Variants in IGF2R observed in about 807,000 individuals in gnomAD.
The protein encoded by IGF2R is cation-independent mannose-6-phosphate receptor.
IGF2R carries 91 observed loss-of-function variants against 270.6 expected under a neutral mutation model. The ratio of observed to expected loss-of-function variants is 0.34; its 90% CI spans 0.28 to 0.40. The LOEUF (loss-of-function observed/expected upper bound fraction) is 0.40, where lower values mean the gene tolerates loss of function less well. Ranked by LOEUF, IGF2R falls within the 10% of genes least tolerant of loss-of-function variation. IGF2R has a pLI of 1.00. For synonymous variants in IGF2R, 1,316 were observed against 1,258.9 expected, an observed-to-expected ratio of 1.05 and a Z score of -0.96; for missense variants, 2,805 against 3,188.3, an observed-to-expected ratio of 0.88 and a Z score of 2.90.
chr6:159,991,033 A>T, intron 1 of IGF2R, 151 bp from the exon 2 acceptor site: 1 of 672,176 alleles, frequency 1.5e-6, no homozygotes, highest in Non-Finnish European at 2.5e-6. Flanking sequence ...TTTGCAACTT[A>T]ACATACTTGA....
intron 2 of IGF2R, among the ~76,000 whole-genome samples, chr6:159,997,029 A>C (rs1784063691): frequency 6.6e-6 from 1 of 152,124 alleles, no homozygotes; most frequent in African/African-American, 2.4e-5. Context: ...GAGAAGTCCT[A>C]CTACCCACAT....
At chr6:160,025,352 C>G (rs1937502022) in intron 5 of IGF2R, among the ~76,000 whole-genome samples, 2 of 152,204 alleles carry the variant, frequency 1.3e-5, no homozygotes, top group Admixed American at 1.3e-4. Flanking sequence ...TAGGCCAGGA[C>G]TGTCTTTCTG....
At chr6:160,029,370 T>C (rs9365125) in intron 6 of IGF2R, among the ~76,000 whole-genome samples, 180 bp from the exon 7 acceptor site, 19,680 of 107,056 alleles carry the variant, frequency 0.18, 1,282 homozygotes, top group East Asian at 0.49. Context: ...TACTTAAAAC[T>C]TTTTTTTTTT....
chr6:160,046,709 G>A (rs1248168975), intron 15 of IGF2R, 64 bp downstream of exon 15: 2 of 1,519,950 alleles, frequency 1.3e-6, no homozygotes, highest in Non-Finnish European at 1.8e-6. Flanking sequence ...TTATTTTCAG[G>A]AATAGGTGTG....
Position 160,079,687 on chromosome 6 carries a change from G to A in IGF2R, c.5586G>A (p.Lys1862=), listed in dbSNP as rs531909784. ...GAGTCTGTCTGCTCTCAGGCACCAA[G>A]GGGGCATCCTTTGGACGGCTGCAAT... is the stretch of plus-strand genomic sequence containing the variant. The part of the protein sequence containing the change: ...DGGVCLLSGT[K]GASFGRLQSM... Residue 1862 remains lysine, a synonymous_variant, in exon 38 of 48, where the codon AAG becomes AAA. Coordinates refer to ENST00000356956, the MANE Select transcript of IGF2R (RefSeq NM_000876.4). The A allele has an allele frequency of 6.5e-7, 1 of 1,547,284 alleles. No individual in the cohort carries two copies. The highest frequency in any genetic ancestry group is 2.3e-5 in the East Asian group (1 of 42,658).
intron 44 of IGF2R, chr6:160,094,387 T>C (rs1779300154): frequency 4.6e-6 from 1 of 215,650 alleles, no homozygotes; most frequent in Non-Finnish European, 9.4e-6. Context: ...CTGGCGAGTC[T>C]GCCAGCATGC....
chr6:160,040,542 T>G lies in IGF2R; in HGVS notation c.1316-18T>G. ...TGGTCACGTATGGAGTTTAAATTTC[T>G]CCTCTTGAATTGTGCAGGTAACGAT... is the stretch of plus-strand genomic sequence containing the variant. On this transcript the variant is annotated intron_variant, in intron 10 of 47. Coordinates refer to ENST00000356956, the MANE Select transcript of IGF2R (RefSeq NM_000876.4). 1.2e-6 allele frequency: 2 copies of G among 1,612,866 alleles called. No individual in the cohort carries two copies. Among genetic ancestry groups the G allele is most frequent in the Non-Finnish European group, 1.7e-6 (2 of 1,178,980 alleles).
At chr6:160,097,222 C>A (rs1779382171) in intron 45 of IGF2R, among the ~76,000 whole-genome samples, 2 of 152,236 alleles carry the variant, frequency 1.3e-5, no homozygotes, top group Admixed American at 1.3e-4. Context: ...TGTCTTGTGT[C>A]CCACAGCCGT....
chr6:160,038,365 C>T (rs1777870794), intron 10 of IGF2R, among the ~76,000 whole-genome samples: 1 of 152,142 alleles, frequency 6.6e-6, no homozygotes, highest in Non-Finnish European at 1.5e-5. Flanking sequence ...GGGAGCACAG[C>T]TTACTGTTCT....
At chr6:160,100,555 T>G (rs1482192296) in intron 45 of IGF2R, among the ~76,000 whole-genome samples, 1 of 150,758 alleles carries the variant, frequency 6.6e-6, no homozygotes, top group Non-Finnish European at 1.5e-5. Flanking sequence ...AGACAAAGAG[T>G]AAAGCTTTTT....
intron 13 of IGF2R, among the ~76,000 whole-genome samples, chr6:160,045,283 C>T (rs989393275): frequency 6.6e-6 from 1 of 152,192 alleles, no homozygotes; most frequent in Non-Finnish European, 1.5e-5. Context: ...CCTCTCTCTA[C>T]CTCCCATTGA....
chr6:160,060,532 C>T lies in IGF2R; in HGVS notation c.3092-15C>T. On this transcript the variant is annotated splice_polypyrimidine_tract_variant and intron_variant, in intron 22 of 47. Coordinates refer to ENST00000356956, the MANE Select transcript of IGF2R (RefSeq NM_000876.4). ...CTGTTCTGTCTCTTAAAATCTGGGC[C>T]TTCTTGCTTTACAGGTACCGCTGAT... 6.2e-7 allele frequency: 1 copy of T among 1,613,842 alleles called. No homozygotes were observed. The highest frequency in any genetic ancestry group is 8.5e-7 in the Non-Finnish European group (1 of 1,179,746).
At chr6:160,030,230 A>G (rs887610954) in intron 7 of IGF2R, among the ~76,000 whole-genome samples, 4 of 152,186 alleles carry the variant, frequency 2.6e-5, no homozygotes, top group Non-Finnish European at 5.9e-5. Context: ...AGCGCCTGCA[A>G]GTGTTTTAAC....
chr6:159,988,865 G>A (rs1783932673), intron 1 of IGF2R, among the ~76,000 whole-genome samples: 1 of 152,112 alleles, frequency 6.6e-6, no homozygotes, highest in Admixed American at 6.5e-5. Flanking sequence ...GCCTCCCGCA[G>A]TAAGTACTTA....
chr6:159,976,648 T>G (rs554657776), intron 1 of IGF2R, among the ~76,000 whole-genome samples: 16 of 151,706 alleles, frequency 1.1e-4, no homozygotes, highest in African/African-American at 3.6e-4. Flanking sequence ...TTCTGATACT[T>G]TTTTTTTTCT....
chr6:159,969,952 A>AT (rs1297280326), intron 1 of IGF2R, among the ~76,000 whole-genome samples: 1 of 150,660 alleles, frequency 6.6e-6, no homozygotes, highest in African/African-American at 2.4e-5. Flanking sequence ...ATATATATAT[A>AT]TATATTTTTA....
chr6:160,078,432 G>C, intron 37 of IGF2R, 70 bp downstream of exon 37: 1 of 1,468,968 alleles, frequency 6.8e-7, no homozygotes, highest in Admixed American at 1.7e-5. Context: ...GCTGCTGGGA[G>C]TGTTTTGGAT....
chr6:160,061,900 G>C lies in IGF2R; in HGVS notation c.3554G>C (p.Arg1185Thr), dbSNP rs1778447954. 1 of 1,614,040 alleles carries C rather than the reference G, an allele frequency of 6.2e-7. No homozygotes were observed. The highest frequency in any genetic ancestry group is 1.1e-5 in the South Asian group (1 of 91,084). The change falls in exon 25 of 48, where the codon AGG (arginine) becomes ACG (threonine). Residue 1185 changes from arginine to threonine, a missense_variant. Arg to Thr is a moderately conservative substitution (Grantham distance 71). Around this residue, in one of 2 missense-constraint regions of IGF2R, gnomAD observed 1,851 missense variants for 2,207.2 expected, o/e 0.84. Coordinates refer to ENST00000356956, the MANE Select transcript of IGF2R (RefSeq NM_000876.4). ...DKCGNQRFST[R>T]ITFECAQISG... Reference sequence around the variant, plus strand: ...TGTGGGAACCAGCGCTTCTCCACCAGGATCACGTTTGAGTGTGCTCAGATA... The same window carrying C: ...TGTGGGAACCAGCGCTTCTCCACCACGATCACGTTTGAGTGTGCTCAGATA...
chr6:159,991,160 C>T, intron 1 of IGF2R, 24 bp from the exon 2 acceptor site: 1 of 1,586,874 alleles, frequency 6.3e-7, no homozygotes, highest in Non-Finnish European at 8.6e-7. Context: ...GTGACATTGA[C>T]AAGTTGTTTT....
Sources: gnomAD v4.1 joint callset for allele counts (sites outside exome capture counted in the v4.1 genomes callset) on GRCh38, gnomAD v4.1.1 for gene constraint, gnomAD v4.1.1 regional missense constraint, MANE v1.5 for transcripts, NCBI Gene and HGNC (gene_info 2026-07-23, HGNC 2026-07-21) for gene names.